SKAP2: variants seen among roughly 807,000 people sequenced by gnomAD.
SKAP2 encodes src kinase associated phosphoprotein 2.
Under a neutral mutation model 54.9 loss-of-function variants are expected in SKAP2, and 28 were observed. That is an observed-to-expected ratio of 0.51 (90% CI 0.38 to 0.70). The LOEUF is 0.70. SKAP2 is among the 30% of genes least tolerant of loss of function. The pLI is 0.00. For missense variants in SKAP2, 356 were observed against 424.1 expected, an observed-to-expected ratio of 0.84 and a Z score of 1.41; for synonymous variants, 137 against 134.3, an observed-to-expected ratio of 1.02 and a Z score of -0.14.
chr7:26,740,892 G>A (rs1017269725), intron 4 of SKAP2, among the ~76,000 whole-genome samples: 3 of 152,034 alleles, frequency 2.0e-5, no homozygotes, highest in Admixed American at 6.6e-5. Flanking sequence ...GGGAGCTGAC[G>A]CAGGAGAATC....
intron 4 of SKAP2, among the ~76,000 whole-genome samples, chr7:26,771,532 T>C (rs1026421795): frequency 6.6e-6 from 1 of 152,160 alleles, no homozygotes; most frequent in African/African-American, 2.4e-5. Flanking sequence ...ATATAGTATG[T>C]TATAGGAATA....
At chr7:26,742,056 G>A (rs1196728349) in intron 4 of SKAP2, among the ~76,000 whole-genome samples, 1 of 151,960 alleles carries the variant, frequency 6.6e-6, no homozygotes, top group Non-Finnish European at 1.5e-5. Context: ...TTCAATAAAT[G>A]TATCCAGTTT....
chr7:26,735,973 A>G (rs1302144143), intron 6 of SKAP2, among the ~76,000 whole-genome samples: 2 of 152,214 alleles, frequency 1.3e-5, no homozygotes, highest in African/African-American at 4.8e-5. Context: ...ATTTCACTGG[A>G]AACAGGAGGC....
At chr7:26,771,575 A>T (rs1417718605) in intron 4 of SKAP2, among the ~76,000 whole-genome samples, 1 of 152,146 alleles carries the variant, frequency 6.6e-6, no homozygotes, top group Admixed American at 6.6e-5. Flanking sequence ...AAGAGTATAT[A>T]CTTACATAAT....
At chr7:26,814,134 T>C (rs1784216102) in intron 4 of SKAP2, among the ~76,000 whole-genome samples, 1 of 144,442 alleles carries the variant, frequency 6.9e-6, no homozygotes, top group Non-Finnish European at 1.6e-5. Context: ...GAGTACATTT[T>C]TGTTTAACAA....
At chr7:26,779,486 A>G (rs1460901865) in intron 4 of SKAP2, among the ~76,000 whole-genome samples, 1 of 152,072 alleles carries the variant, frequency 6.6e-6, no homozygotes, top group African/African-American at 2.4e-5. Flanking sequence ...CAAATATCCC[A>G]ATTAATATCT....
In SKAP2 at chr7:26,725,359, C is replaced by T. The variant is rs1055483073; in HGVS notation, c.796+69G>A. 10 of 929,676 alleles carry T rather than the reference C, an allele frequency of 1.1e-5. No individual in the cohort carries two copies. In the South Asian group the frequency reaches 2.0e-4, roughly 18 times the overall value. The allele number at this position is 929,676 out of a possible 1,614,324, so 57.6% of individuals were successfully genotyped here. ...GTCGAGGACAAATCACACACACAAA[C>T]ACACACACACACTCACACACACACA... On this transcript the variant is annotated intron_variant, in intron 9 of 12. Coordinates refer to ENST00000345317, the MANE Select transcript of SKAP2 (RefSeq NM_003930.5).
intron 10 of SKAP2, among the ~76,000 whole-genome samples, chr7:26,689,632 T>C (rs1786736966): frequency 6.6e-6 from 1 of 152,218 alleles, no homozygotes; most frequent in East Asian, 1.9e-4. Context: ...GACTCTGGCA[T>C]TTCTTACCCA....
At chr7:26,663,297 A>G (rs890822077), downstream of SKAP2, among the ~76,000 whole-genome samples, 7 of 152,104 alleles carry the variant, frequency 4.6e-5, no homozygotes, top group Non-Finnish European at 7.4e-5. Context: ...TTCCAGAGCC[A>G]TAATAGTGAA....
intron 9 of SKAP2, among the ~76,000 whole-genome samples, chr7:26,720,078 AC>A (rs1787546578): frequency 6.6e-6 from 1 of 151,804 alleles, no homozygotes; most frequent in Admixed American, 6.6e-5. Context: ...ACACACACAC[AC>A]ACACACACAC....
chr7:26,747,859 C>G (rs992615422), intron 4 of SKAP2, among the ~76,000 whole-genome samples: 9 of 144,606 alleles, frequency 6.2e-5, no homozygotes, highest in African/African-American at 2.3e-4. Context: ...TCCTTCCTTT[C>G]TTTCTTGCTG....
intron 4 of SKAP2, among the ~76,000 whole-genome samples, chr7:26,828,927 T>C (rs968523710): frequency 6.6e-6 from 1 of 151,632 alleles, no homozygotes; most frequent in Non-Finnish European, 1.5e-5. Flanking sequence ...CTTGGGAGGC[T>C]GAGGCACGAG....
At chr7:26,854,220 C>A in intron 2 of SKAP2, 58 bp from the exon 3 acceptor site, 1 of 1,116,508 alleles carries the variant, frequency 9.0e-7, no homozygotes, top group Non-Finnish European at 1.3e-6. Context: ...AAGGTCTAAT[C>A]AGTAACAATA....
At chr7:26,732,650 G>A (rs772099958) in intron 6 of SKAP2, among the ~76,000 whole-genome samples, 9 of 152,116 alleles carry the variant, frequency 5.9e-5, no homozygotes, top group Non-Finnish European at 1.3e-4. Flanking sequence ...AGAAAAATAT[G>A]CCCATCAATA....
intron 1 of SKAP2, chr7:26,857,333 A>C (rs1047203533): frequency 1.2e-5 from 3 of 257,336 alleles, no homozygotes; most frequent in South Asian, 2.8e-4. Context: ...AAAAAAAAAA[A>C]AACTTTAAAC....
rs574934970 is a variant in SKAP2 at position 26,824,157 on chromosome 7, C to T, written c.307+19873G>A. Among the ~76,000 whole-genome samples the T allele has an allele frequency of 3.3e-5, 5 of 152,062 alleles. No individual in the cohort carries two copies. In the South Asian group the frequency reaches 1.0e-3, roughly 32 times the overall value. ...CTTTATTTAAGAAACTGCCACAGCC[C>T]CCCAACCTTCAGCAGCCATCCACAT... On this transcript the variant is annotated intron_variant, in intron 4 of 12. Coordinates refer to ENST00000345317, the MANE Select transcript of SKAP2 (RefSeq NM_003930.5).
intron 6 of SKAP2, among the ~76,000 whole-genome samples, chr7:26,735,926 G>A (rs911135075): frequency 2.6e-5 from 4 of 151,922 alleles, no homozygotes; most frequent in Non-Finnish European, 4.4e-5. Flanking sequence ...GAATGAAACC[G>A]CCAATAGAAA....
intron 4 of SKAP2, among the ~76,000 whole-genome samples, chr7:26,812,069 T>C (rs574899377): frequency 2.9e-4 from 44 of 152,306 alleles, no homozygotes; most frequent in African/African-American, 1.0e-3. Flanking sequence ...CCTGATTTGT[T>C]TTTAAGGGAA....
chr7:26,712,914 C>G (rs1369192617), intron 9 of SKAP2, among the ~76,000 whole-genome samples: 1 of 152,210 alleles, frequency 6.6e-6, no homozygotes, highest in South Asian at 2.1e-4. Context: ...TTGTTCATCT[C>G]ATAAACAGCA....
Sources: allele counts gnomAD v4.1 joint callset (sites outside exome capture counted in the v4.1 genomes callset), GRCh38; gene constraint gnomAD v4.1.1; transcripts MANE v1.5; gene names NCBI Gene and HGNC (gene_info 2026-07-23, HGNC 2026-07-21).